The following ATAD2B variants were observed in gnomAD, a reference collection of about 807,000 sequenced individuals.
The protein encoded by ATAD2B is ATPase family AAA domain-containing protein 2B.
Under a neutral mutation model 167.6 loss-of-function variants are expected in ATAD2B, and 40 were observed. The ratio of observed to expected loss-of-function variants is 0.24; its 90% CI spans 0.19 to 0.31. ATAD2B has a LOEUF of 0.31. ATAD2B is among the 10% of genes least tolerant of loss of function. The probability of loss-of-function intolerance (pLI) is 1.00; values close to 1 mark genes in which losing one functional copy is unlikely to be tolerated. For synonymous variants in ATAD2B, 579 were observed against 596.5 expected (o/e 0.97, Z 0.43); for missense variants, 1,242 against 1,757.2 (o/e 0.71, Z 5.24).
At chr2:23,918,617 G>C (rs1178611720) in intron 1 of ATAD2B, among the ~76,000 whole-genome samples, 2 of 151,950 alleles carry the variant, frequency 1.3e-5, no homozygotes, top group Admixed American at 6.6e-5. Context: ...CATACTTTCA[G>C]TCCCAATATA....
At chr2:23,915,443 A>T (rs958582880) in intron 1 of ATAD2B, among the ~76,000 whole-genome samples, 13 of 125,252 alleles carry the variant, frequency 1.0e-4, no homozygotes, top group African/African-American at 3.7e-4. Context: ...AGTCTTGATT[A>T]AAAAAAAAAA....
chr2:23,853,531 A>G (rs1471652631), intron 13 of ATAD2B, among the ~76,000 whole-genome samples: 1 of 152,220 alleles, frequency 6.6e-6, no homozygotes, highest in Non-Finnish European at 1.5e-5. Flanking sequence ...TTATGCTAAA[A>G]CCATAAGACA....
rs531502973 is a variant in ATAD2B, at chr2:23,816,256, G to C, written c.2267+3491C>G. On this transcript the variant is annotated intron_variant, in intron 17 of 27. Transcript: ENST00000238789. ...GCAATTTAACAATCTGTGTCAACATGTTAAATGTATACACTCTTTGACACA... is the reference window on the plus strand; with the variant it reads ...GCAATTTAACAATCTGTGTCAACATCTTAAATGTATACACTCTTTGACACA... Among the ~76,000 whole-genome samples the C allele has an allele frequency of 2.0e-3, 297 of 152,280 alleles. 2 individuals carry two copies. The highest frequency in any genetic ancestry group is 1.3e-3 in the Non-Finnish European group (89 of 67,992).
At chr2:23,872,333 T>C in intron 8 of ATAD2B, 1 of 588,218 alleles carries the variant, frequency 1.7e-6, no homozygotes, top group Non-Finnish European at 3.3e-6. Flanking sequence ...CACCTGATGG[T>C]CTTCAAGTTC....
At chr2:23,909,377 C>A (rs952473763) in intron 1 of ATAD2B, among the ~76,000 whole-genome samples, 4 of 151,496 alleles carry the variant, frequency 2.6e-5, no homozygotes, top group Non-Finnish European at 4.4e-5. Context: ...CCACTGCACT[C>A]CAGCCTGGGT....
At chr2:23,788,909 C>A (rs765435926) in intron 19 of ATAD2B, among the ~76,000 whole-genome samples, 1 of 147,926 alleles carries the variant, frequency 6.8e-6, no homozygotes, top group African/African-American at 2.5e-5. Context: ...CAGATAATAG[C>A]AAAAAGGATA....
chr2:23,919,987 C>T (rs1418056114), intron 1 of ATAD2B, among the ~76,000 whole-genome samples: 12 of 152,006 alleles, frequency 7.9e-5, no homozygotes, highest in Admixed American at 7.9e-4. Context: ...CTCGTCTCTA[C>T]TAAAAATACA....
chr2:23,840,362 T>A (rs1265677121), intron 13 of ATAD2B, among the ~76,000 whole-genome samples: 8 of 152,218 alleles, frequency 5.3e-5, no homozygotes. Context: ...TGACCAAGCA[T>A]GCCAGAGGCT....
At chr2:23,822,761 C>CA (rs1421174981) in intron 16 of ATAD2B, among the ~76,000 whole-genome samples, 1 of 149,090 alleles carries the variant, frequency 6.7e-6, no homozygotes, top group Non-Finnish European at 1.5e-5. Flanking sequence ...ACTAAAAATA[C>CA]AAAAAAATTA....
intron 1 of ATAD2B, among the ~76,000 whole-genome samples, chr2:23,917,274 TA>T (rs1398120788): frequency 6.6e-6 from 1 of 152,214 alleles, no homozygotes; most frequent in Non-Finnish European, 1.5e-5. Context: ...CTAGAGAACA[TA>T]CTTTCTGGGT....
intron 1 of ATAD2B, chr2:23,900,568 A>G (rs1310398532): frequency 6.6e-6 from 1 of 152,248 alleles, no homozygotes; most frequent in African/African-American, 2.4e-5. Context: ...CCACCCTCAG[A>G]TCCACTGAAT....
Position 23,754,172 on chromosome 2 carries a change from CACTT to C in ATAD2B, c.4335+3_4335+6del. On this transcript the variant is annotated splice_donor_5th_base_variant and intron_variant, in intron 27 of 27. Coordinates refer to ENST00000238789, the MANE Select transcript of ATAD2B (RefSeq NM_017552.4). Reference sequence around the variant, plus strand: ...TTGTTTATTCTACAGATAAACTAAACACTTACCTCTACAAGTTGTGATTTGTCAT... The same window carrying C: ...TTGTTTATTCTACAGATAAACTAAACACCTCTACAAGTTGTGATTTGTCAT... 6.6e-7 allele frequency: 1 copy of C among 1,511,400 alleles called. No homozygotes were observed. The highest frequency in any genetic ancestry group is 1.3e-5 in the South Asian group (1 of 75,934). 93.6% of individuals were successfully genotyped at this position (1,511,400 alleles called of 1,614,324 possible).
At chr2:23,696,804 C>T in the ATAD2B span, 1 of 332,496 alleles carries the variant, frequency 3.0e-6, no homozygotes, top group South Asian at 4.1e-5. The surrounding 1 kb of genome is among the most constrained non-coding windows in gnomAD (Gnocchi z 5.5). Flanking sequence ...GCCCAAGATC[C>T]AGTTGCAGAA....
At position 23,885,764 on chromosome 2, in the gene ATAD2B, TCTC is replaced by T. The variant is rs1446612004; in HGVS notation, c.635_637del (p.Gly212del). 1.2e-6 allele frequency: 2 copies of T among 1,600,260 alleles called. No individual in the cohort carries two copies. The highest frequency in any genetic ancestry group is 1.3e-5 in the African/African-American group (1 of 74,832). ...TGTCCACATTCGAAGTCGTTCTACT[TCTC>T]CTGATCGACGATTCCGTCGGATGTT... On this transcript the variant is annotated inframe_deletion, in exon 5 of 28. Transcript: ENST00000238789.
At chr2:23,873,595 G>A (rs1335748084) in intron 8 of ATAD2B, among the ~76,000 whole-genome samples, 4 of 152,050 alleles carry the variant, frequency 2.6e-5, no homozygotes, top group Admixed American at 6.6e-5. Context: ...TACAACACAT[G>A]CTATATAAAT....
At chr2:23,786,350 G>T (rs1297280177) in intron 20 of ATAD2B, 127 bp from the exon 21 acceptor site, 13 of 804,878 alleles carry the variant, frequency 1.6e-5, no homozygotes, top group Non-Finnish European at 2.5e-5. Flanking sequence ...TAACAACAGG[G>T]ATACATTCTA....
chr2:23,813,302 A>C (rs1685907763), intron 17 of ATAD2B, among the ~76,000 whole-genome samples: 1 of 18,610 alleles, frequency 5.4e-5, no homozygotes, highest in Non-Finnish European at 1.6e-4. Context: ...TATAAGTCAT[A>C]TAAATTATGT....
rs1687479600 is a variant in ATAD2B, at chr2:23,821,740, T to G, written c.2131+1518A>C. 2.0e-5 allele frequency among the ~76,000 whole-genome samples: 3 copies of G among 152,370 alleles called. No homozygotes were observed. The South Asian group carries it at 6.2e-4, about 32-fold the overall frequency. On this transcript the variant is annotated intron_variant, in intron 16 of 27. Coordinates refer to ENST00000238789, the MANE Select transcript of ATAD2B (RefSeq NM_017552.4). Reference sequence around the variant, plus strand: ...TTCCCTTCAAAGTTTATGAGCTTTATACTCTGATTAGAATGTCAATGTAAT... The same window carrying G: ...TTCCCTTCAAAGTTTATGAGCTTTAGACTCTGATTAGAATGTCAATGTAAT...
chr2:23,771,303 T>C (rs1678284848), intron 22 of ATAD2B, among the ~76,000 whole-genome samples: 2 of 152,218 alleles, frequency 1.3e-5, no homozygotes, highest in South Asian at 4.1e-4. Flanking sequence ...TTTCTTACCT[T>C]ACTGCATTGG....
Sources: allele counts gnomAD v4.1 joint callset (sites outside exome capture counted in the v4.1 genomes callset), GRCh38; gene constraint gnomAD v4.1.1; non-coding constraint Gnocchi (gnomAD v3.1); transcripts MANE v1.5; gene names NCBI Gene and HGNC (gene_info 2026-07-23, HGNC 2026-07-21).